OS9: variants seen among roughly 807,000 people sequenced by gnomAD.
OS9 encodes protein OS-9.
In OS9, 58 loss-of-function variants were observed where a neutral mutation model predicts 84.7. That is an observed-to-expected ratio of 0.68 (90% CI 0.55 to 0.85). The LOEUF is 0.85. OS9 is among the 40% of genes least tolerant of loss of function. The probability of loss-of-function intolerance (pLI) is 0.00; values close to 1 mark genes in which losing one functional copy is unlikely to be tolerated. For missense variants in OS9, 760 were observed against 850.9 expected, an observed-to-expected ratio of 0.89 and a Z score of 1.33; for synonymous variants, 278 against 320.8, an observed-to-expected ratio of 0.87 and a Z score of 1.43.
At chr12:57,698,687 C>A (rs961523038) in intron 5 of OS9, among the ~76,000 whole-genome samples, 1 of 152,030 alleles carries the variant, frequency 6.6e-6, no homozygotes, top group African/African-American at 2.4e-5. Flanking sequence ...ATGGAAGGTG[C>A]GCTAAGTGCA....
intron 4 of OS9, 35 bp downstream of exon 4, chr12:57,696,073 C>T (rs1953822721): frequency 1.3e-6 from 2 of 1,511,746 alleles, no homozygotes; most frequent in Non-Finnish European, 1.8e-6. Context: ...AGAAAGGGTT[C>T]TGGCCACCGG....
chr12:57,720,342 G>T (rs1565784089), intron 13 of OS9, 64 bp from the exon 14 acceptor site: 2 of 1,602,756 alleles, frequency 1.2e-6, no homozygotes, highest in African/African-American at 1.3e-5. Context: ...GACCAGTGGG[G>T]CAGGGGGCCT....
chr12:57,716,443 C>T lies in OS9; in HGVS notation c.924C>T (p.Asp308=). Residue 308 remains aspartate, a synonymous_variant, in exon 8 of 15, where the codon GAC becomes GAT. Coordinates refer to ENST00000315970, the MANE Select transcript of OS9 (RefSeq NM_006812.4). Reference sequence around the variant, plus strand: ...GCCCGACCAAGGATGACAGTAAGGACTCAGATTTCTGGAAGATGCTTAATG... The same window carrying T: ...GCCCGACCAAGGATGACAGTAAGGATTCAGATTTCTGGAAGATGCTTAATG... ...GASPTKDDSK[D]SDFWKMLNEP... 6.4e-7 allele frequency: 1 copy of T among 1,566,386 alleles called. No individual in the cohort carries two copies. Among genetic ancestry groups the T allele is most frequent in the East Asian group, 2.3e-5 (1 of 42,662 alleles).
intron 9 of OS9, 152 bp from the exon 10 acceptor site, chr12:57,717,718 G>A (rs1362911415): frequency 3.1e-5 from 16 of 515,852 alleles, no homozygotes; most frequent in African/African-American, 6.1e-5. Context: ...TCTTGAACCC[G>A]GGAGGCAGAG....
chr12:57,701,548 T>C (rs1403481748), intron 5 of OS9, among the ~76,000 whole-genome samples: 2 of 152,006 alleles, frequency 1.3e-5, no homozygotes, highest in Non-Finnish European at 2.9e-5. Context: ...AGTGCTGGGA[T>C]TACAGGTGTG....
At chr12:57,714,099 C>T (rs897158257) in intron 5 of OS9, among the ~76,000 whole-genome samples, 15 of 150,670 alleles carry the variant, frequency 1.0e-4, no homozygotes, top group Admixed American at 9.9e-4. Flanking sequence ...ACAGTGAGAC[C>T]CTGTCTGAAA....
intron 5 of OS9, among the ~76,000 whole-genome samples, chr12:57,698,233 G>A (rs79032157): frequency 0.015 from 2,260 of 152,230 alleles, 36 homozygotes; most frequent in Non-Finnish European, 0.021. Context: ...GATTAACCCA[G>A]AAAATTAGTT....
Position 57,695,757 on chromosome 12 carries a change from ATTGT to A in OS9, c.340-20_340-17del. ...AAGATGTCTGCACTCCATCCCCCTG[ATTGT>A]TTATTTTTTAATTGTCAGACAAAGG... On this transcript the variant is annotated intron_variant, in intron 2 of 14. Transcript: ENST00000315970. 1.9e-6 allele frequency: 3 copies of A among 1,549,518 alleles called. No homozygotes were observed. The highest frequency in any genetic ancestry group is 2.7e-6 in the Non-Finnish European group (3 of 1,121,202).
At position 57,719,154 on chromosome 12, in the gene OS9, A is replaced by G. The variant is rs1367039544; in HGVS notation, c.1572A>G (p.Lys524=). 6.2e-7 allele frequency: 1 copy of G among 1,614,008 alleles called. No individual in the cohort carries two copies. The highest frequency in any genetic ancestry group is 1.3e-5 in the African/African-American group (1 of 74,918). Reference sequence around the variant, plus strand: ...ACAAGAAAAAGAGGGTTGTCCCCAAAAAGCCTCCCCCATCACCCCAACCTA... The same window carrying G: ...ACAAGAAAAAGAGGGTTGTCCCCAAGAAGCCTCCCCCATCACCCCAACCTA... The part of the protein sequence containing the change: ...KKHKKKRVVP[K]KPPPSPQPTE... The change falls in exon 12 of 15, where the codon AAA becomes AAG. Residue 524 remains lysine (K), a synonymous_variant. Transcript: ENST00000315970.
intron 5 of OS9, among the ~76,000 whole-genome samples, chr12:57,696,791 G>A (rs1462703861): frequency 6.7e-6 from 1 of 150,138 alleles, no homozygotes; most frequent in Non-Finnish European, 1.5e-5. Flanking sequence ...GTGAGACTCT[G>A]TCTCAAAAAA....
Position 57,694,153 on chromosome 12 carries a change from G to A in OS9, c.-9G>A, listed in dbSNP as rs1014697576. 24 of 1,614,000 alleles carry A rather than the reference G, an allele frequency of 1.5e-5. No individual in the cohort carries two copies. Among genetic ancestry groups the A allele is most frequent in the Admixed American group, 1.7e-5 (1 of 59,996 alleles). The stretch of plus-strand genomic sequence containing the variant: ...AAACAGATTCTCTGCATAAGAAGGG[G>A]AACGAAAGATGGCGGCGGAAACGCT... On this transcript the variant is annotated 5_prime_UTR_variant, in exon 1 of 15. Transcript: ENST00000315970.
chr12:57,699,704 A>C (rs1355988367), intron 5 of OS9, among the ~76,000 whole-genome samples: 1 of 152,264 alleles, frequency 6.6e-6, no homozygotes. Flanking sequence ...ACCCCTGACC[A>C]GTCCTTTGGT....
chr12:57,700,692 A>G (rs1418629045), intron 5 of OS9, among the ~76,000 whole-genome samples: 1 of 152,142 alleles, frequency 6.6e-6, no homozygotes, highest in Admixed American at 6.6e-5. Context: ...TTAAGATGCA[A>G]CAGACTAGAA....
intron 5 of OS9, among the ~76,000 whole-genome samples, chr12:57,705,329 G>A (rs928482994): frequency 1.3e-5 from 2 of 152,078 alleles, no homozygotes; most frequent in South Asian, 2.1e-4. Context: ...CACTATGAAC[G>A]TGTTTGTTTC....
intron 2 of OS9, among the ~76,000 whole-genome samples, chr12:57,695,319 C>A: frequency 1.3e-5 from 2 of 152,236 alleles, no homozygotes; most frequent in Middle Eastern, 3.4e-3. Flanking sequence ...TGTTTATTTT[C>A]GGTCTGATTC....
At chr12:57,711,471 C>T (rs906849836) in intron 5 of OS9, among the ~76,000 whole-genome samples, 8 of 150,742 alleles carry the variant, frequency 5.3e-5, no homozygotes, top group Non-Finnish European at 1.0e-4. Flanking sequence ...CTCAGCCTCC[C>T]GAGTAGCTGG....
At chr12:57,716,308 C>T in intron 7 of OS9, 104 bp from the exon 8 acceptor site, 1 of 1,110,686 alleles carries the variant, frequency 9.0e-7, no homozygotes, top group Non-Finnish European at 1.3e-6. Context: ...ACCATGGGCC[C>T]TCCTCCCTTG....
intron 11 of OS9, 57 bp downstream of exon 11, chr12:57,718,478 A>G: frequency 6.4e-7 from 1 of 1,560,424 alleles, no homozygotes; most frequent in Non-Finnish European, 8.7e-7. Flanking sequence ...GTGGAGCAGG[A>G]CAGGCTGACG....
chr12:57,720,851 G>T lies in OS9; in HGVS notation c.1946G>T (p.Arg649Leu). 1 of 1,614,088 alleles carries T rather than the reference G, an allele frequency of 6.2e-7. No individual in the cohort carries two copies. The highest frequency in any genetic ancestry group is 8.5e-7 in the Non-Finnish European group (1 of 1,179,966). ...RQKELESNYR[R>L]VWGSPGGEGT... ...AAAGAGCTGGAGAGCAATTACCGCC[G>T]GGTGTGGGGCTCTCCAGGTGGGGAG... The change falls in exon 15 of 15, where the codon CGG (arginine) becomes CTG (leucine). Residue 649 changes from arginine (R) to leucine (L), a missense_variant. Arg to Leu is a moderately radical substitution (Grantham distance 102, BLOSUM62 -2). Coordinates refer to ENST00000315970, the MANE Select transcript of OS9 (RefSeq NM_006812.4).
Sources: allele counts gnomAD v4.1 joint callset (sites outside exome capture counted in the v4.1 genomes callset), GRCh38; gene constraint gnomAD v4.1.1; transcripts MANE v1.5; gene names NCBI Gene and HGNC (gene_info 2026-07-23, HGNC 2026-07-21).